The following ZNF804B variants were observed in gnomAD, a reference collection of about 807,000 sequenced individuals.
ZNF804B encodes zinc finger 804B.
Under a neutral mutation model 101.4 loss-of-function variants are expected in ZNF804B, and 80 were observed. The ratio of observed to expected loss-of-function variants is 0.79; its 90% CI spans 0.66 to 0.95. The LOEUF (loss-of-function observed/expected upper bound fraction) is 0.95, where lower values mean the gene tolerates loss of function less well. ZNF804B is among the 40% of genes least tolerant of loss of function. The pLI is 0.00. For synonymous variants in ZNF804B, 622 were observed against 558.8 expected, an observed-to-expected ratio of 1.11 and a Z score of -1.59; for missense variants, 1,673 against 1,561.9, an observed-to-expected ratio of 1.07 and a Z score of -1.20.
chr7:88,799,196 C>T (rs1304126794), intron 1 of ZNF804B, among the ~76,000 whole-genome samples: 1 of 151,900 alleles, frequency 6.6e-6, no homozygotes, highest in East Asian at 1.9e-4. Context: ...TTATCATGTC[C>T]TTTTTGTTTT....
Position 89,336,745 on chromosome 7 carries a change from A to G in ZNF804B, c.3763A>G (p.Ile1255Val), listed in dbSNP as rs1791100487. Residue 1255 changes from isoleucine to valine, a missense_variant, in exon 4 of 4, where the codon ATT (isoleucine) becomes GTT (valine). Physicochemically the swap from Ile to Val is conservative, Grantham distance 29. Transcript: ENST00000333190. ...PISFSTLTPT[I>V]IPAHPTFLAG... ...TTCATTTTCGACTCTGACTCCAACC[A>G]TTATCCCTGCACACCCCACTTTCTT... 3 of 1,614,038 alleles carry G rather than the reference A, an allele frequency of 1.9e-6. No homozygotes were observed. Among genetic ancestry groups the G allele is most frequent in the Non-Finnish European group, 2.5e-6 (3 of 1,180,010 alleles).
At chr7:89,219,946 T>TATACATATATGTGTGCATATATATGC (rs1788962008) in intron 2 of ZNF804B, among the ~76,000 whole-genome samples, 3 of 117,594 alleles carry the variant, frequency 2.6e-5, no homozygotes, top group Admixed American at 8.6e-5. Flanking sequence ...CATATATATG[T>TATACATATATGTGTGCATATATATGC]ATATACATAT....
intron 1 of ZNF804B, among the ~76,000 whole-genome samples, chr7:88,820,853 G>T (rs1358322018): frequency 6.6e-6 from 1 of 152,172 alleles, no homozygotes; most frequent in South Asian, 2.1e-4. Context: ...CTAGGAATCT[G>T]CATGGGACCC....
intron 1 of ZNF804B, among the ~76,000 whole-genome samples, chr7:89,083,285 G>A (rs1789724462): frequency 6.6e-6 from 1 of 151,756 alleles, no homozygotes; most frequent in Admixed American, 6.6e-5. Flanking sequence ...TTTTTGGAAT[G>A]ACTATGTGCA....
At chr7:89,094,730 T>C (rs1003785806) in intron 1 of ZNF804B, among the ~76,000 whole-genome samples, 1 of 152,190 alleles carries the variant, frequency 6.6e-6, no homozygotes, top group African/African-American at 2.4e-5. Flanking sequence ...AATTTTCAGT[T>C]AAATTCTTTA....
chr7:89,334,064 G>A lies in ZNF804B; in HGVS notation c.1082G>A (p.Cys361Tyr). Reference protein sequence around the residue: ...NTLENCVNHPCQANASFSPPN... With the variant: ...NTLENCVNHPYQANASFSPPN... ...TTAGAAAATTGTGTTAATCACCCAT[G>A]CCAAGCAAATGCTTCCTTCAGCCCA... is the stretch of plus-strand genomic sequence containing the variant. The change falls in exon 4 of 4, where the codon TGC becomes TAC. Residue 361 changes from cysteine to tyrosine, a missense_variant. Physicochemically the swap from Cys to Tyr is radical, Grantham distance 194. Transcript: ENST00000333190. 1 of 1,613,568 alleles carries A rather than the reference G, an allele frequency of 6.2e-7. No homozygotes were observed. The highest frequency in any genetic ancestry group is 8.5e-7 in the Non-Finnish European group (1 of 1,179,794).
At chr7:88,977,207 G>T (rs545511906) in intron 1 of ZNF804B, among the ~76,000 whole-genome samples, 1 of 150,316 alleles carries the variant, frequency 6.7e-6, no homozygotes, top group African/African-American at 2.4e-5. Flanking sequence ...TTTTTTTGAT[G>T]AGTCTCTGTC....
intron 1 of ZNF804B, among the ~76,000 whole-genome samples, chr7:88,763,862 A>G (rs1789938547): frequency 6.6e-6 from 1 of 152,160 alleles, no homozygotes; most frequent in South Asian, 2.1e-4. Flanking sequence ...CAAATATATT[A>G]ATGGTAAAAC....
At chr7:89,271,025 G>A (rs1302491132) in intron 2 of ZNF804B, among the ~76,000 whole-genome samples, 1 of 152,166 alleles carries the variant, frequency 6.6e-6, no homozygotes, top group Non-Finnish European at 1.5e-5. Context: ...GGGACAATTT[G>A]ACTTCCTCTT....
At chr7:89,211,857 A>G (rs1788809883) in intron 1 of ZNF804B, among the ~76,000 whole-genome samples, 1 of 152,132 alleles carries the variant, frequency 6.6e-6, no homozygotes, top group South Asian at 2.1e-4. Context: ...GAATTTTACA[A>G]TAGTTTCTTC....
rs115541189 is a variant in ZNF804B, at chr7:89,105,525, G to C, written c.109-112630G>C. 5.1e-3 allele frequency among the ~76,000 whole-genome samples: 777 copies of C among 151,994 alleles called. 5 individuals carry two copies. The highest frequency in any genetic ancestry group is 0.015 in the African/African-American group (616 of 41,450). Reference sequence around the variant, plus strand: ...CCCCAGCCCATATGTTTCCTTGACCGTGGGCCAGTCCAGCAAATCCAACTT... The same window carrying C: ...CCCCAGCCCATATGTTTCCTTGACCCTGGGCCAGTCCAGCAAATCCAACTT... On this transcript the variant is annotated intron_variant, in intron 1 of 3. Coordinates refer to ENST00000333190, the MANE Select transcript of ZNF804B (RefSeq NM_181646.5).
chr7:88,892,788 T>G (rs1792232750), intron 1 of ZNF804B, among the ~76,000 whole-genome samples: 1 of 152,162 alleles, frequency 6.6e-6, no homozygotes, highest in Non-Finnish European at 1.5e-5. Flanking sequence ...AAACACACAT[T>G]AGTGGGAACA....
chr7:89,322,729 T>G (rs38965), intron 2 of ZNF804B, among the ~76,000 whole-genome samples: 1 of 152,038 alleles, frequency 6.6e-6, no homozygotes, highest in African/African-American at 2.4e-5. Context: ...CAGAAAAGAA[T>G]AAAAAATCTA....
chr7:88,934,422 T>A (rs1263219441), intron 1 of ZNF804B, among the ~76,000 whole-genome samples: 3 of 151,908 alleles, frequency 2.0e-5, no homozygotes, highest in Non-Finnish European at 4.4e-5. Flanking sequence ...ATGAAAAACT[T>A]TCTGCACAGC....
At chr7:89,181,338 T>G (rs1788292486) in intron 1 of ZNF804B, among the ~76,000 whole-genome samples, 1 of 152,170 alleles carries the variant, frequency 6.6e-6, no homozygotes, top group South Asian at 2.1e-4. Context: ...CTTTAGCCCA[T>G]GTTGACGGGG....
At chr7:89,102,137 T>C (rs1414964747) in intron 1 of ZNF804B, among the ~76,000 whole-genome samples, 2 of 152,018 alleles carry the variant, frequency 1.3e-5, no homozygotes, top group Non-Finnish European at 2.9e-5. Context: ...GTGATAAACA[T>C]GTGAATGCAG....
intron 1 of ZNF804B, among the ~76,000 whole-genome samples, chr7:89,204,699 T>C (rs9649120): frequency 0.9 from 137,498 of 152,228 alleles, 62,347 homozygotes; most frequent in East Asian, 1. Context: ...GGCATGGATT[T>C]GATTATTCTT....
intron 1 of ZNF804B, among the ~76,000 whole-genome samples, chr7:89,205,943 C>A (rs762420256): frequency 4.6e-5 from 7 of 152,232 alleles, no homozygotes; most frequent in African/African-American, 9.6e-5. Context: ...CCTGGACATA[C>A]AGGCATTTCC....
intron 1 of ZNF804B, among the ~76,000 whole-genome samples, chr7:88,879,690 T>G (rs939740081): frequency 1.3e-5 from 2 of 152,120 alleles, no homozygotes; most frequent in African/African-American, 4.8e-5. Context: ...CCGCACCCTG[T>G]GGAAATTCAA....
Sources: gnomAD v4.1 joint callset for allele counts (sites outside exome capture counted in the v4.1 genomes callset) on GRCh38, gnomAD v4.1.1 for gene constraint, MANE v1.5 for transcripts, NCBI Gene and HGNC (gene_info 2026-07-23, HGNC 2026-07-21) for gene names.